SHISAL1: variants seen among roughly 807,000 people sequenced by gnomAD.
SHISAL1 encodes the protein shisa like 1.
SHISAL1 carries 9 observed loss-of-function variants against 22.6 expected under a neutral mutation model. That is an observed-to-expected ratio of 0.40 (90% CI 0.24 to 0.70). The LOEUF is 0.70. SHISAL1 is among the 30% of genes least tolerant of loss of function. The pLI is 0.39. For synonymous variants in SHISAL1, 119 were observed against 115.4 expected (o/e 1.03, Z -0.20); for missense variants, 246 against 270.6 (o/e 0.91, Z 0.64).
In SHISAL1 at chr22:44,245,145, T is replaced by C. The variant is rs1356473884; in HGVS notation, c.*4540A>G. 1 of 152,254 alleles carries C rather than the reference T, an allele frequency of 6.6e-6. No homozygotes were observed. Among genetic ancestry groups the C allele is most frequent in the Non-Finnish European group, 1.5e-5 (1 of 68,060 alleles). The allele number at this position is 152,254 out of a possible 1,614,324, so 9.4% of individuals were successfully genotyped here. ...CAGACACCCTCTGATGCCCACCACGTGAGCAGGATGATTAAGAATTCCTGC... is the reference window on the plus strand; with the variant it reads ...CAGACACCCTCTGATGCCCACCACGCGAGCAGGATGATTAAGAATTCCTGC... On this transcript the variant is annotated 3_prime_UTR_variant, in exon 5 of 5. Coordinates refer to ENST00000381176, the MANE Select transcript of SHISAL1 (RefSeq NM_001099294.2).
intron 1 of SHISAL1, among the ~76,000 whole-genome samples, chr22:44,306,869 G>C (rs887299614): frequency 6.7e-6 from 1 of 149,602 alleles, no homozygotes; most frequent in African/African-American, 2.5e-5. Flanking sequence ...CGTGTGCAGA[G>C]GGGACCTGGG....
chr22:44,254,423 C>T (rs1372842864), intron 4 of SHISAL1, among the ~76,000 whole-genome samples: 1 of 151,898 alleles, frequency 6.6e-6, no homozygotes, highest in Non-Finnish European at 1.5e-5. Flanking sequence ...TGCAATGGTG[C>T]AATCATAGTT....
intron 4 of SHISAL1, among the ~76,000 whole-genome samples, chr22:44,283,775 C>T (rs2055292581): frequency 6.6e-6 from 1 of 152,200 alleles, no homozygotes; most frequent in South Asian, 2.1e-4. Flanking sequence ...TAGACGTTTT[C>T]CAGTGCCTCC....
chr22:44,261,585 C>A (rs2055124671), intron 4 of SHISAL1, among the ~76,000 whole-genome samples: 1 of 152,242 alleles, frequency 6.6e-6, no homozygotes, highest in Non-Finnish European at 1.5e-5. Flanking sequence ...AGGCCATCCT[C>A]ACTGCTGCCC....
At chr22:44,292,117 C>T (rs1259633648) in intron 3 of SHISAL1, among the ~76,000 whole-genome samples, 1 of 152,198 alleles carries the variant, frequency 6.6e-6, no homozygotes, top group Non-Finnish European at 1.5e-5. Context: ...AATAAATCAT[C>T]AGAAGCGCTC....
rs1650547237 is a variant in SHISAL1 at position 44,248,793 on chromosome 22, C to A, written c.*892G>T. Reference sequence around the variant, plus strand: ...TGCTCCCAGCATTGTGCAGGGTGTACCCCGGCTGGCGAGCATGTCACGTCC... The same window carrying A: ...TGCTCCCAGCATTGTGCAGGGTGTAACCCGGCTGGCGAGCATGTCACGTCC... On this transcript the variant is annotated 3_prime_UTR_variant, in exon 5 of 5. Transcript: ENST00000381176. 6.6e-6 allele frequency: 1 copy of A among 152,138 alleles called. No individual in the cohort carries two copies. Among genetic ancestry groups the A allele is most frequent in the African/African-American group, 2.4e-5 (1 of 41,416 alleles). The allele number at this position is 152,138 out of a possible 1,614,324, so 9.4% of individuals were successfully genotyped here. A position where few individuals can be genotyped will look rare whatever the true frequency, so the allele number is the denominator to read the frequency against.
intron 4 of SHISAL1, among the ~76,000 whole-genome samples, chr22:44,272,646 G>C (rs924435472): frequency 2.0e-5 from 3 of 152,202 alleles, no homozygotes; most frequent in Non-Finnish European, 2.9e-5. Context: ...GCACAGACCA[G>C]TCTTTCTGCC....
chr22:44,269,137 CAT>C (rs771332831), intron 4 of SHISAL1, among the ~76,000 whole-genome samples: 3 of 151,094 alleles, frequency 2.0e-5, no homozygotes, highest in Non-Finnish European at 4.4e-5. Flanking sequence ...CCACAATACA[CAT>C]AAACACACAT....
At chr22:44,270,175 A>G (rs1179317766) in intron 4 of SHISAL1, among the ~76,000 whole-genome samples, 1 of 151,866 alleles carries the variant, frequency 6.6e-6, no homozygotes, top group African/African-American at 2.4e-5. Flanking sequence ...CTGGCTCCAT[A>G]TTTCCCTTAA....
rs966585867 is a variant in SHISAL1, at chr22:44,312,580, G to A, written c.-33+171C>T. ...CCCATCTTGCCCCACTGGCATAGCCGTCACCCCGGCCCCTCCCATTCTTCT... is the reference window on the plus strand; with the variant it reads ...CCCATCTTGCCCCACTGGCATAGCCATCACCCCGGCCCCTCCCATTCTTCT... On this transcript the variant is annotated intron_variant, in intron 1 of 4. Coordinates refer to ENST00000381176, the MANE Select transcript of SHISAL1 (RefSeq NM_001099294.2). Among the ~76,000 whole-genome samples, 10 of 152,208 alleles carry A rather than the reference G, an allele frequency of 6.6e-5. No individual in the cohort carries two copies. The East Asian group carries it at 9.7e-4, about 15-fold the overall frequency.
the SHISAL1 span, among the ~76,000 whole-genome samples, chr22:44,324,982 C>T: frequency 2.6e-5 from 4 of 152,168 alleles, no homozygotes; most frequent in African/African-American, 9.7e-5. Context: ...GTGGCTCATG[C>T]CTGTAATCCC....
At chr22:44,256,506 T>C (rs1007257586) in intron 4 of SHISAL1, among the ~76,000 whole-genome samples, 6 of 152,210 alleles carry the variant, frequency 3.9e-5, no homozygotes, top group African/African-American at 1.4e-4. Context: ...TACCAGCATG[T>C]TCCTGTCTCT....
upstream of SHISAL1, among the ~76,000 whole-genome samples, chr22:44,313,344 C>T (rs564655473): frequency 2.0e-5 from 3 of 152,204 alleles, no homozygotes; most frequent in Admixed American, 1.3e-4. Flanking sequence ...CAGCATGGCC[C>T]GGGGAGGGGT....
At chr22:44,258,294 G>T (rs755093611) in intron 4 of SHISAL1, among the ~76,000 whole-genome samples, 1 of 151,490 alleles carries the variant, frequency 6.6e-6, no homozygotes, top group South Asian at 2.1e-4. Flanking sequence ...GTGGCAGAGC[G>T]AGACTCTGTC....
At chr22:44,263,195 C>T (rs1601780001) in intron 4 of SHISAL1, among the ~76,000 whole-genome samples, 1 of 150,998 alleles carries the variant, frequency 6.6e-6, no homozygotes, top group South Asian at 2.1e-4. Context: ...CTCAGCCTCC[C>T]GAGTAGTTAG....
intron 1 of SHISAL1, among the ~76,000 whole-genome samples, chr22:44,309,222 G>A (rs569598545): frequency 2.6e-5 from 4 of 152,336 alleles, no homozygotes; most frequent in Admixed American, 2.6e-4. Context: ...TGGGCGTGGG[G>A]GATTCCCGCT....
At chr22:44,275,616 A>C (rs1326278554) in intron 4 of SHISAL1, among the ~76,000 whole-genome samples, 7 of 152,202 alleles carry the variant, frequency 4.6e-5, no homozygotes. Context: ...ACAGGAAGCG[A>C]AGTAAAGGCG....
Position 44,248,390 on chromosome 22 carries a change from A to C in SHISAL1, c.*1295T>G, listed in dbSNP as rs2055021811. On this transcript the variant is annotated 3_prime_UTR_variant, in exon 5 of 5. Transcript: ENST00000381176. ...ACACCCATGGAATGAGTGTGTCTAC[A>C]CTGGCAGCATGGCCTTTGGAGATGT... 1 of 145,820 alleles carries C rather than the reference A, an allele frequency of 6.9e-6. No homozygotes were observed. Among genetic ancestry groups the C allele is most frequent in the Admixed American group, 6.6e-5 (1 of 15,040 alleles). 9.0% of individuals were successfully genotyped at this position (145,820 alleles called of 1,614,324 possible).
the SHISAL1 span, among the ~76,000 whole-genome samples, chr22:44,317,986 G>A: frequency 6.6e-6 from 1 of 152,276 alleles, no homozygotes; most frequent in African/African-American, 2.4e-5. Context: ...GCAGCCTCCT[G>A]ACACCAAGGG....
Sources: allele counts gnomAD v4.1 joint callset (sites outside exome capture counted in the v4.1 genomes callset), GRCh38; gene constraint gnomAD v4.1.1; transcripts MANE v1.5; gene names NCBI Gene and HGNC (gene_info 2026-07-23, HGNC 2026-07-21).